Variants in OSBP2 observed in about 807,000 individuals in gnomAD.
The protein encoded by OSBP2 is oxysterol-binding protein 2.
OSBP2 carries 66 observed loss-of-function variants against 96.0 expected under a neutral mutation model. The observed-to-expected ratio is 0.69, with a 90% CI of 0.56 to 0.84. The LOEUF is 0.84. OSBP2 is among the 40% of genes least tolerant of loss of function. OSBP2 has a pLI of 0.00. For synonymous variants in OSBP2, 525 were observed against 520.9 expected (o/e 1.01, Z -0.11); for missense variants, 1,038 against 1,222.7 (o/e 0.85, Z 2.25).
intron 2 of OSBP2, among the ~76,000 whole-genome samples, chr22:30,804,212 G>C (rs136259): frequency 0.21 from 31,601 of 152,116 alleles, 4,178 homozygotes; most frequent in African/African-American, 0.38. Flanking sequence ...AGGGAGTGGA[G>C]AGGGGAGGTG....
intron 2 of OSBP2, among the ~76,000 whole-genome samples, chr22:30,848,143 T>G (rs1051555035): frequency 4.6e-5 from 7 of 152,170 alleles, no homozygotes; most frequent in African/African-American, 1.7e-4. Context: ...ATATTCATGT[T>G]TCATAGTTTA....
At chr22:30,703,204 C>T (rs531386772) in intron 1 of OSBP2, among the ~76,000 whole-genome samples, 10 of 151,862 alleles carry the variant, frequency 6.6e-5, no homozygotes, top group East Asian at 1.9e-4. Flanking sequence ...GATGGAGTCT[C>T]GCTGTGTTGC....
At chr22:30,776,612 T>G (rs1249739183) in intron 2 of OSBP2, among the ~76,000 whole-genome samples, 1 of 152,104 alleles carries the variant, frequency 6.6e-6, no homozygotes, top group Non-Finnish European at 1.5e-5. Flanking sequence ...TTCCTTTTCT[T>G]TTTTTGGAAC....
chr22:30,894,062 A>G, intron 12 of OSBP2, 61 bp downstream of exon 12: 1 of 1,462,258 alleles, frequency 6.8e-7, no homozygotes, highest in South Asian at 1.3e-5. Flanking sequence ...GACAGTGGAC[A>G]GAAAGCAACT....
chr22:30,776,757 T>C (rs886922560), intron 2 of OSBP2, among the ~76,000 whole-genome samples: 4 of 152,180 alleles, frequency 2.6e-5, no homozygotes, highest in African/African-American at 9.7e-5. Flanking sequence ...TGGCAGAAAA[T>C]GCATGGCTTA....
chr22:30,720,999 C>G (rs1392776712), intron 1 of OSBP2, among the ~76,000 whole-genome samples: 5 of 152,086 alleles, frequency 3.3e-5, no homozygotes, highest in African/African-American at 1.2e-4. Flanking sequence ...CCGAGGCAGG[C>G]AGATCACTTG....
At chr22:30,711,117 A>T (rs956334959) in intron 1 of OSBP2, among the ~76,000 whole-genome samples, 1 of 152,058 alleles carries the variant, frequency 6.6e-6, no homozygotes, top group Non-Finnish European at 1.5e-5. Context: ...GGTGGGAAAT[A>T]GTGTTTGAAG....
At chr22:30,828,266 A>G (rs73402268) in intron 2 of OSBP2, among the ~76,000 whole-genome samples, 9,459 of 152,260 alleles carry the variant, frequency 0.062, 914 homozygotes, top group African/African-American at 0.21. Context: ...TAGGCAGAAA[A>G]TCTGGCCAAC....
intron 2 of OSBP2, among the ~76,000 whole-genome samples, chr22:30,820,777 G>C (rs78077999): frequency 0.014 from 2,081 of 152,256 alleles, 30 homozygotes; most frequent in Middle Eastern, 0.048. Context: ...TCATTTTGCA[G>C]CCAGAAAACC....
At chr22:30,694,146 CTT>C, upstream of OSBP2, 1 of 1,549,914 alleles carries the variant, frequency 6.5e-7, no homozygotes, top group African/African-American at 1.4e-5. Context: ...CAGAATCCCA[CTT>C]TGAGATGTTT....
chr22:30,878,487 G>C (rs1300163602), intron 3 of OSBP2, among the ~76,000 whole-genome samples: 2 of 152,200 alleles, frequency 1.3e-5, no homozygotes, highest in South Asian at 4.1e-4. Flanking sequence ...GAGAATGGGG[G>C]CCTTGCTGTC....
chr22:30,882,373 T>C (rs2147137011), intron 3 of OSBP2, among the ~76,000 whole-genome samples: 1 of 152,268 alleles, frequency 6.6e-6, no homozygotes, highest in Middle Eastern at 3.4e-3. Flanking sequence ...ACAGCACTGG[T>C]TCCATACCCT....
chr22:30,730,713 CCTGTCTCTCTCTCTCTCTCTCT>C, intron 1 of OSBP2, among the ~76,000 whole-genome samples: 1 of 52,968 alleles, frequency 1.9e-5, no homozygotes, highest in East Asian at 6.6e-4. Context: ...GATTCGCTGC[CCTGTCTCTCTCTCTCTCTCTCT>C]CTCTCTCTCT....
chr22:30,808,432 A>G (rs906034874), intron 2 of OSBP2, among the ~76,000 whole-genome samples: 1 of 152,122 alleles, frequency 6.6e-6, no homozygotes, highest in Non-Finnish European at 1.5e-5. Context: ...ACTTGAGCTC[A>G]GGAGGTGAAG....
At chr22:30,850,779 G>T (rs35644938) in intron 2 of OSBP2, among the ~76,000 whole-genome samples, 1 of 152,140 alleles carries the variant, frequency 6.6e-6, no homozygotes, top group Non-Finnish European at 1.5e-5. Context: ...GATTACAGGC[G>T]TGAGGCACTG....
intron 1 of OSBP2, among the ~76,000 whole-genome samples, chr22:30,713,142 G>A (rs2089384151): frequency 6.7e-6 from 1 of 148,590 alleles, no homozygotes; most frequent in Non-Finnish European, 1.5e-5. Flanking sequence ...GCAGTGGCGT[G>A]ATCTCGGCTC....
At chr22:30,747,528 T>C (rs189576412) in intron 2 of OSBP2, among the ~76,000 whole-genome samples, 50 of 152,342 alleles carry the variant, frequency 3.3e-4, no homozygotes, top group African/African-American at 1.0e-3. Flanking sequence ...GTAAACATTA[T>C]GTATGTTTAC....
intron 2 of OSBP2, among the ~76,000 whole-genome samples, chr22:30,818,574 G>T (rs2091108682): frequency 6.6e-6 from 1 of 152,158 alleles, no homozygotes; most frequent in Non-Finnish European, 1.5e-5. Context: ...GTGAGTGCCT[G>T]GGGGACATAT....
intron 2 of OSBP2, among the ~76,000 whole-genome samples, chr22:30,747,648 C>T (rs529118631): frequency 3.0e-4 from 45 of 152,222 alleles, no homozygotes; most frequent in African/African-American, 1.0e-3. Flanking sequence ...TGATCAGGCC[C>T]CTGCTGGCAG....
Sources: gnomAD v4.1 joint callset for allele counts (sites outside exome capture counted in the v4.1 genomes callset) on GRCh38, gnomAD v4.1.1 for gene constraint, MANE v1.5 for transcripts, NCBI Gene and HGNC (gene_info 2026-07-23, HGNC 2026-07-21) for gene names.